The following SFMBT1 variants were observed in gnomAD, a reference collection of about 807,000 sequenced individuals.
SFMBT1 encodes the protein scm-like with four MBT domains protein 1.
SFMBT1 carries 32 observed loss-of-function variants against 108.7 expected under a neutral mutation model. The observed-to-expected ratio is 0.29, with a 90% CI of 0.22 to 0.40. The LOEUF is 0.40. SFMBT1 is among the 10% of genes least tolerant of loss of function. The pLI is 1.00. For synonymous variants in SFMBT1, 348 were observed against 369.5 expected, an observed-to-expected ratio of 0.94 and a Z score of 0.67; for missense variants, 816 against 1,059.6, an observed-to-expected ratio of 0.77 and a Z score of 3.19.
chr3:53,022,706 T>C (rs1293426946), intron 1 of SFMBT1, among the ~76,000 whole-genome samples: 3 of 152,064 alleles, frequency 2.0e-5, no homozygotes, highest in African/African-American at 4.8e-5. Flanking sequence ...GTACCTAAAG[T>C]AGTAAATTTC....
chr3:52,967,781 A>C (rs1704196322), intron 2 of SFMBT1, among the ~76,000 whole-genome samples: 1 of 152,180 alleles, frequency 6.6e-6, no homozygotes, highest in African/African-American at 2.4e-5. Flanking sequence ...AGCTGTCACT[A>C]CCCACCTATC....
chr3:52,984,567 T>A (rs1704835987), intron 1 of SFMBT1, among the ~76,000 whole-genome samples: 1 of 152,098 alleles, frequency 6.6e-6, no homozygotes, highest in Non-Finnish European at 1.5e-5. Flanking sequence ...TACTTTCCAA[T>A]ACAGGCACTT....
chr3:52,973,523 G>A (rs1704417525), intron 1 of SFMBT1, among the ~76,000 whole-genome samples: 1 of 152,158 alleles, frequency 6.6e-6, no homozygotes, highest in Admixed American at 6.5e-5. Flanking sequence ...TCATTTTTAA[G>A]TGGTACATCA....
At chr3:52,914,880 G>T (rs2106769876) in intron 14 of SFMBT1, among the ~76,000 whole-genome samples, 1 of 152,244 alleles carries the variant, frequency 6.6e-6, no homozygotes, top group East Asian at 1.9e-4. Context: ...TGGGTATGTT[G>T]GCAGCTTACA....
chr3:53,045,385 G>A (rs1181608572), intron 1 of SFMBT1: 1 of 143,170 alleles, frequency 7.0e-6, no homozygotes, highest in Non-Finnish European at 1.5e-5. Flanking sequence ...CGCGCGCGGG[G>A]AGGGGCGCGC....
At chr3:53,039,330 A>C (rs1266716803) in intron 1 of SFMBT1, among the ~76,000 whole-genome samples, 1 of 151,946 alleles carries the variant, frequency 6.6e-6, no homozygotes, top group African/African-American at 2.4e-5. Context: ...TGAACCTTAA[A>C]GACATTATGT....
chr3:53,040,238 C>T lies in SFMBT1; in HGVS notation c.-131+5578G>A, dbSNP rs529940515. 3.3e-5 allele frequency among the ~76,000 whole-genome samples: 5 copies of T among 152,208 alleles called. No individual in the cohort carries two copies. In the South Asian group the frequency reaches 1.0e-3, roughly 32 times the overall value. ...CTGAGCAAATATTCCATAGTAGCCA[C>T]CTCAAATGCTTTTTTAAAAACTCTT... On this transcript the variant is annotated intron_variant, in intron 1 of 20. Transcript: ENST00000394752.
intron 3 of SFMBT1, among the ~76,000 whole-genome samples, chr3:52,948,834 T>A (rs1340120243): frequency 7.5e-6 from 1 of 132,536 alleles, no homozygotes; most frequent in African/African-American, 2.8e-5. Flanking sequence ...AATTTTTTTT[T>A]TTTTTTTTTT....
intron 1 of SFMBT1, among the ~76,000 whole-genome samples, chr3:53,019,390 G>T (rs987613653): frequency 2.0e-5 from 3 of 150,862 alleles, no homozygotes; most frequent in African/African-American, 7.3e-5. Context: ...TGTGTGTGGG[G>T]GGGGTATATG....
chr3:53,001,955 A>T (rs1698570962), intron 1 of SFMBT1, among the ~76,000 whole-genome samples: 1 of 148,286 alleles, frequency 6.7e-6, no homozygotes, highest in Non-Finnish European at 1.5e-5. Context: ...ACACACACAC[A>T]CACACACACA....
At position 52,912,534 on chromosome 3, in the gene SFMBT1, T is replaced by A. The variant is rs1470941302; in HGVS notation, c.1730+4A>T. The A allele has an allele frequency of 1.2e-6, 2 of 1,611,466 alleles. No individual in the cohort carries two copies. Among genetic ancestry groups the A allele is most frequent in the Admixed American group, 3.3e-5 (2 of 59,996 alleles). On this transcript the variant is annotated splice_donor_region_variant and intron_variant, in intron 16 of 20. Transcript: ENST00000394752. ...TAAAGAGTAAAAACAAGTAGTCCACTCACTTGGCTTTTAGGACTTCCCCAC... is the reference window on the plus strand; with the variant it reads ...TAAAGAGTAAAAACAAGTAGTCCACACACTTGGCTTTTAGGACTTCCCCAC...
chr3:52,959,966 C>T (rs1703906103), intron 2 of SFMBT1, among the ~76,000 whole-genome samples: 2 of 151,882 alleles, frequency 1.3e-5, no homozygotes, highest in Admixed American at 1.3e-4. Context: ...AACCATACTC[C>T]ACATGACCAC....
intron 4 of SFMBT1, among the ~76,000 whole-genome samples, chr3:52,938,743 T>C (rs1230965317): frequency 6.6e-6 from 1 of 152,150 alleles, no homozygotes; most frequent in Non-Finnish European, 1.5e-5. Flanking sequence ...TTTCAGAGCA[T>C]ACAGCTATTA....
intron 3 of SFMBT1, among the ~76,000 whole-genome samples, chr3:52,952,861 C>T (rs537903299): frequency 3.5e-4 from 54 of 152,248 alleles, no homozygotes; most frequent in African/African-American, 1.3e-3. Flanking sequence ...GGATGGAGCC[C>T]TGATCTAACA....
intron 1 of SFMBT1, among the ~76,000 whole-genome samples, chr3:53,011,902 A>G (rs890607478): frequency 2.0e-5 from 3 of 152,226 alleles, no homozygotes; most frequent in African/African-American, 4.8e-5. Context: ...GTTGGATTGT[A>G]GGTTTGCAAG....
At chr3:52,930,188 G>T (rs928605829) in intron 8 of SFMBT1, 141 bp downstream of exon 8, 8 of 621,390 alleles carry the variant, frequency 1.3e-5, no homozygotes, top group Non-Finnish European at 2.3e-5. Flanking sequence ...AATACAAAAC[G>T]TGCACAGAAG....
At chr3:53,019,330 A>ATG (rs775505182) in intron 1 of SFMBT1, among the ~76,000 whole-genome samples, 1 of 149,584 alleles carries the variant, frequency 6.7e-6, no homozygotes, top group Admixed American at 6.7e-5. Flanking sequence ...ACGCATGTGC[A>ATG]TGTGTGTGTG....
At chr3:53,034,070 CCAAAAAAAAAA>C (rs1699782458) in intron 1 of SFMBT1, among the ~76,000 whole-genome samples, 1 of 68,274 alleles carries the variant, frequency 1.5e-5, no homozygotes, top group African/African-American at 4.7e-5. Flanking sequence ...AACTCTGTCT[CCAAAAAAAAAA>C]AAAAAAAAAA....
At chr3:53,011,866 T>C (rs1197855488) in intron 1 of SFMBT1, among the ~76,000 whole-genome samples, 1 of 152,176 alleles carries the variant, frequency 6.6e-6, no homozygotes, top group Non-Finnish European at 1.5e-5. Flanking sequence ...AACCAGGCTG[T>C]TGTCAGATGA....
Sources: allele counts gnomAD v4.1 joint callset (sites outside exome capture counted in the v4.1 genomes callset), GRCh38; gene constraint gnomAD v4.1.1; transcripts MANE v1.5; gene names NCBI Gene and HGNC (gene_info 2026-07-23, HGNC 2026-07-21).